Variants in MYO5C observed in about 807,000 individuals in gnomAD.
MYO5C encodes unconventional myosin-Vc.
A neutral mutation model predicts 235.7 loss-of-function variants in MYO5C; 194 were observed. That is an observed-to-expected ratio of 0.82 (90% CI 0.73 to 0.93). The LOEUF is 0.93. Among genes scored for constraint, MYO5C ranks in the 40% least tolerant of loss-of-function variants. The probability of loss-of-function intolerance (pLI) is 0.00; values close to 1 mark genes in which losing one functional copy is unlikely to be tolerated. For synonymous variants in MYO5C, 707 were observed against 754.8 expected, an observed-to-expected ratio of 0.94 and a Z score of 1.04; for missense variants, 2,038 against 2,127.2, an observed-to-expected ratio of 0.96 and a Z score of 0.82.
intron 4 of MYO5C, chr15:52,277,014 A>G: frequency 2.2e-6 from 1 of 449,014 alleles, no homozygotes; most frequent in East Asian, 7.2e-5. Context: ...CAGAGCACAG[A>G]GCCACAGCCT....
intron 1 of MYO5C, among the ~76,000 whole-genome samples, chr15:52,285,609 G>A (rs28459428): frequency 2.0e-5 from 3 of 152,234 alleles, no homozygotes; most frequent in South Asian, 4.1e-4. Flanking sequence ...TCAGCCTGCC[G>A]AGTGGCGCGC....
rs1433885366 is a variant in MYO5C, at chr15:52,247,451, T to G, written c.1881+7A>C. On this transcript the variant is annotated splice_region_variant and intron_variant, in intron 15 of 40. Coordinates refer to ENST00000261839, the MANE Select transcript of MYO5C (RefSeq NM_018728.4). ...AGACCCCTCACTCTCAAACACCTTC[T>G]CAGTACCTTGCTCCCAACTGTGGTC... 7 of 1,613,862 alleles carry G rather than the reference T, an allele frequency of 4.3e-6. No homozygotes were observed. In the East Asian group the frequency reaches 1.6e-4, roughly 36 times the overall value.
At chr15:52,281,253 AGAGGT>A (rs2037156715) in intron 2 of MYO5C, among the ~76,000 whole-genome samples, 1 of 152,204 alleles carries the variant, frequency 6.6e-6, no homozygotes, top group Non-Finnish European at 1.5e-5. Context: ...AGGTGGAGGC[AGAGGT>A]GACATTTTCC....
intron 39 of MYO5C, among the ~76,000 whole-genome samples, chr15:52,196,002 C>T (rs919358191): frequency 1.4e-4 from 14 of 98,118 alleles, no homozygotes; most frequent in Non-Finnish European, 2.4e-4. Context: ...TTTGGTAGAG[C>T]GTCTTGTTAT....
chr15:52,270,267 G>A (rs889790836), intron 7 of MYO5C, among the ~76,000 whole-genome samples: 5 of 152,082 alleles, frequency 3.3e-5, no homozygotes, highest in African/African-American at 1.2e-4. Context: ...CAGTGACCCT[G>A]TCTCAAAAAA....
chr15:52,281,048 C>T lies in MYO5C; in HGVS notation c.139-1374G>A, dbSNP rs567788221. On this transcript the variant is annotated intron_variant, in intron 2 of 40. Transcript: ENST00000261839. ...CCGACCAGAATATTCTCAACCTAAA[C>T]ATTTTTGAAAATAAAATCAGGAAAA... Among the ~76,000 whole-genome samples, 5 of 152,282 alleles carry T rather than the reference C, an allele frequency of 3.3e-5. No individual in the cohort carries two copies. The East Asian group carries it at 9.6e-4, about 29-fold the overall frequency.
chr15:52,280,968 G>A (rs1165825374), intron 2 of MYO5C, among the ~76,000 whole-genome samples: 2 of 152,244 alleles, frequency 1.3e-5, no homozygotes, highest in African/African-American at 2.4e-5. Flanking sequence ...GGACACGGAT[G>A]CTCAGGCCAG....
intron 33 of MYO5C, 37 bp from the exon 34 acceptor site, chr15:52,213,323 A>C: frequency 1.3e-6 from 2 of 1,505,428 alleles, no homozygotes; most frequent in Non-Finnish European, 1.8e-6. Flanking sequence ...AAATACACAA[A>C]AGCAGCTTTC....
At position 52,202,617 on chromosome 15, in the gene MYO5C, A is replaced by T. The variant is rs185460447; in HGVS notation, c.4820+2248T>A. On this transcript the variant is annotated intron_variant, in intron 38 of 40. Coordinates refer to ENST00000261839, the MANE Select transcript of MYO5C (RefSeq NM_018728.4). ...CTTTACTTTAGGGCTGAAATCTACT[A>T]CAGAGGACTACAGGATCTGCTTGGA... Among the ~76,000 whole-genome samples the T allele has an allele frequency of 4.3e-4, 66 of 152,262 alleles. 1 individual carries two copies. In the East Asian group the frequency reaches 0.012, roughly 28 times the overall value.
At chr15:52,275,180 G>T (rs1362112394) in intron 5 of MYO5C, among the ~76,000 whole-genome samples, 1 of 152,226 alleles carries the variant, frequency 6.6e-6, no homozygotes, top group Admixed American at 6.5e-5. Flanking sequence ...AACTACCAAA[G>T]GTTTATCAAT....
intron 10 of MYO5C, among the ~76,000 whole-genome samples, chr15:52,257,756 A>G (rs2036613503): frequency 6.6e-6 from 1 of 152,176 alleles, no homozygotes; most frequent in Non-Finnish European, 1.5e-5. Flanking sequence ...CCAGAAATGC[A>G]ATTCGACCCC....
intron 14 of MYO5C, among the ~76,000 whole-genome samples, chr15:52,248,393 G>A (rs780599361): frequency 7.9e-5 from 12 of 152,120 alleles, no homozygotes; most frequent in African/African-American, 1.7e-4. Context: ...CAATCCACCC[G>A]CCTCTGCCTC....
intron 31 of MYO5C, among the ~76,000 whole-genome samples, chr15:52,218,901 T>TC (rs1167775742): frequency 1.3e-5 from 2 of 152,132 alleles, no homozygotes; most frequent in African/African-American, 4.8e-5. Context: ...ACTGCTCTGG[T>TC]CTCCTTCCCC....
intron 1 of MYO5C, among the ~76,000 whole-genome samples, chr15:52,285,419 TCCTCTC>T (rs140674266): frequency 0.61 from 73,448 of 120,552 alleles, 22,752 homozygotes; most frequent in Non-Finnish European, 0.74. Flanking sequence ...CTCCTCTCCC[TCCTCTC>T]CCTCTCCCTC....
intron 10 of MYO5C, 44 bp from the exon 11 acceptor site, chr15:52,256,764 A>G (rs2036594973): frequency 7.1e-7 from 1 of 1,418,090 alleles, no homozygotes; most frequent in Non-Finnish European, 9.9e-7. Context: ...CTGAAGCAAG[A>G]CATATGCATT....
intron 10 of MYO5C, among the ~76,000 whole-genome samples, chr15:52,260,269 A>G (rs2036664533): frequency 6.6e-6 from 1 of 152,240 alleles, no homozygotes; most frequent in Admixed American, 6.5e-5. Context: ...GGAAAATCCA[A>G]GACCTTCTCA....
At chr15:52,214,737 TCTA>T in intron 32 of MYO5C, 47 bp from the exon 33 acceptor site, 1 of 1,279,680 alleles carries the variant, frequency 7.8e-7, no homozygotes, top group Non-Finnish European at 1.1e-6. Context: ...AGCACTTTAA[TCTA>T]TTTTTTTTTT....
At chr15:52,280,785 G>A (rs1402602416) in intron 2 of MYO5C, among the ~76,000 whole-genome samples, 3 of 152,206 alleles carry the variant, frequency 2.0e-5, no homozygotes, top group African/African-American at 7.2e-5. Flanking sequence ...GAAAGTCAAC[G>A]AGACAGGTTC....
chr15:52,216,417 G>A (rs565094440), intron 32 of MYO5C, among the ~76,000 whole-genome samples: 15 of 152,000 alleles, frequency 9.9e-5, no homozygotes, highest in Non-Finnish European at 1.3e-4. Flanking sequence ...GTCTCACTAC[G>A]TTGCCCTGGC....
Sources: allele counts gnomAD v4.1 joint callset (sites outside exome capture counted in the v4.1 genomes callset), GRCh38; gene constraint gnomAD v4.1.1; transcripts MANE v1.5; gene names NCBI Gene and HGNC (gene_info 2026-07-23, HGNC 2026-07-21).